Variants in INPP4B observed in about 807,000 individuals in gnomAD.
INPP4B encodes inositol polyphosphate 4-phosphatase type II.
Under a neutral mutation model 122.5 loss-of-function variants are expected in INPP4B, and 55 were observed. The ratio of observed to expected loss-of-function variants is 0.45; its 90% confidence interval spans 0.36 to 0.56. The LOEUF (loss-of-function observed/expected upper bound fraction) is 0.56, where lower values mean the gene tolerates loss of function less well. Ranked by LOEUF, INPP4B falls within the 20% of genes least tolerant of loss-of-function variation. The pLI is 0.00. For synonymous variants in INPP4B, 403 were observed against 388.7 expected, an observed-to-expected ratio of 1.04 and a Z score of -0.43; for missense variants, 1,000 against 1,097.7, an observed-to-expected ratio of 0.91 and a Z score of 1.26.
At chr4:142,195,824 A>C (rs2149387818) in intron 14 of INPP4B, among the ~76,000 whole-genome samples, 1 of 152,336 alleles carries the variant, frequency 6.6e-6, no homozygotes, top group South Asian at 2.1e-4. Flanking sequence ...ATTTGACCAC[A>C]AGCATATTTA....
chr4:142,203,805 T>C (rs1030350660), intron 14 of INPP4B, among the ~76,000 whole-genome samples: 4 of 151,708 alleles, frequency 2.6e-5, no homozygotes, highest in African/African-American at 4.8e-5. Flanking sequence ...GGCTTATTAA[T>C]CAAATGTGAA....
intron 7 of INPP4B, among the ~76,000 whole-genome samples, chr4:142,380,292 G>T (rs758846629): frequency 1.3e-5 from 2 of 152,074 alleles, no homozygotes; most frequent in Non-Finnish European, 2.9e-5. Flanking sequence ...ATCAAGTATT[G>T]CAAATGGCTG....
intron 12 of INPP4B, among the ~76,000 whole-genome samples, chr4:142,228,158 A>G (rs1276134114): frequency 1.3e-5 from 2 of 152,018 alleles, no homozygotes; most frequent in Non-Finnish European, 2.9e-5. Context: ...CTTCATTTAA[A>G]CAGACAGAAT....
chr4:142,166,303 G>A (rs981358972), intron 16 of INPP4B, among the ~76,000 whole-genome samples: 2 of 151,506 alleles, frequency 1.3e-5, no homozygotes, highest in African/African-American at 4.8e-5. Context: ...TGCAAAATAT[G>A]TTGAAAATAT....
At chr4:142,397,867 A>C (rs1799870567) in intron 7 of INPP4B, among the ~76,000 whole-genome samples, 1 of 151,990 alleles carries the variant, frequency 6.6e-6, no homozygotes, top group Admixed American at 6.5e-5. Context: ...AAATAAAAAA[A>C]GTGCTTTGAA....
chr4:142,301,370 C>A (rs1255891145), intron 9 of INPP4B, among the ~76,000 whole-genome samples: 1 of 151,956 alleles, frequency 6.6e-6, no homozygotes, highest in Non-Finnish European at 1.5e-5. Flanking sequence ...ACCCATTAAA[C>A]AAAAGAATAT....
At chr4:142,541,218 A>G (rs543359471) in intron 2 of INPP4B, among the ~76,000 whole-genome samples, 33 of 152,356 alleles carry the variant, frequency 2.2e-4, no homozygotes, top group African/African-American at 7.9e-4. Flanking sequence ...AGAAGTAAAA[A>G]CAGTAAGTAG....
At chr4:142,146,263 A>C (rs761891035) in intron 17 of INPP4B, among the ~76,000 whole-genome samples, 8 of 152,176 alleles carry the variant, frequency 5.3e-5, no homozygotes, top group Non-Finnish European at 7.4e-5. Context: ...ATACAATATT[A>C]ATCCATAATT....
At chr4:142,178,300 C>T (rs1829249400) in intron 15 of INPP4B, among the ~76,000 whole-genome samples, 1 of 152,124 alleles carries the variant, frequency 6.6e-6, no homozygotes, top group African/African-American at 2.4e-5. Context: ...TTGCAACCAC[C>T]CCAACATTTC....
At chr4:142,583,222 A>C (rs1396472576) in intron 2 of INPP4B, among the ~76,000 whole-genome samples, 1 of 152,104 alleles carries the variant, frequency 6.6e-6, no homozygotes, top group Non-Finnish European at 1.5e-5. Context: ...TTAGGTCAAA[A>C]CTACAGTAAC....
At chr4:142,678,889 G>A (rs1317081221) in intron 2 of INPP4B, among the ~76,000 whole-genome samples, 1 of 151,518 alleles carries the variant, frequency 6.6e-6, no homozygotes, top group Non-Finnish European at 1.5e-5. Flanking sequence ...AAATATTCCT[G>A]AATCATCTTT....
chr4:142,247,039 C>T (rs569729851), intron 11 of INPP4B, among the ~76,000 whole-genome samples: 6 of 152,232 alleles, frequency 3.9e-5, no homozygotes, highest in African/African-American at 1.4e-4. Flanking sequence ...TTCTCTGCAT[C>T]TATTGTGATA....
chr4:142,135,757 A>G (rs1406047613), intron 18 of INPP4B, among the ~76,000 whole-genome samples: 3 of 151,800 alleles, frequency 2.0e-5, no homozygotes, highest in Non-Finnish European at 2.9e-5. Flanking sequence ...GTTGCTCCAG[A>G]CCTGTCAGGG....
At chr4:142,286,285 C>T (rs755555049) in intron 9 of INPP4B, among the ~76,000 whole-genome samples, 3 of 151,892 alleles carry the variant, frequency 2.0e-5, no homozygotes, top group Non-Finnish European at 2.9e-5. Context: ...TAGAGATTTC[C>T]GATTATAAGA....
chr4:142,682,679 A>T (rs1435209694), intron 2 of INPP4B, among the ~76,000 whole-genome samples: 2 of 151,918 alleles, frequency 1.3e-5, no homozygotes, highest in East Asian at 3.9e-4. Flanking sequence ...CAGAGTATTA[A>T]TATGTGAAGT....
intron 9 of INPP4B, among the ~76,000 whole-genome samples, chr4:142,297,578 A>G (rs956960842): frequency 2.6e-5 from 4 of 152,080 alleles, no homozygotes; most frequent in African/African-American, 9.7e-5. Flanking sequence ...CACTGTTCCT[A>G]CTTCACCTTT....
At chr4:142,795,326 C>T (rs1777084472) in intron 1 of INPP4B, 1 of 151,964 alleles carries the variant, frequency 6.6e-6, no homozygotes, top group South Asian at 2.1e-4. Context: ...TTAGGAAGAA[C>T]AGACAGATGC....
intron 11 of INPP4B, among the ~76,000 whole-genome samples, chr4:142,252,220 G>A (rs965034662): frequency 7.5e-6 from 1 of 133,406 alleles, no homozygotes; most frequent in African/African-American, 2.9e-5. Flanking sequence ...ACGGAGTCTC[G>A]CTCTGTCGCC....
intron 1 of INPP4B, among the ~76,000 whole-genome samples, chr4:142,845,963 C>T (rs1414711960): frequency 1.3e-5 from 2 of 152,026 alleles, no homozygotes; most frequent in African/African-American, 4.8e-5. Context: ...AGAGGGTAGG[C>T]GCGGTGACAG....
Sources: gnomAD v4.1 joint callset for allele counts (sites outside exome capture counted in the v4.1 genomes callset) on GRCh38, gnomAD v4.1.1 for gene constraint, MANE v1.5 for transcripts, NCBI Gene and HGNC (gene_info 2026-07-23, HGNC 2026-07-21) for gene names.